The following GOLM2 variants were observed in gnomAD, a reference collection of about 807,000 sequenced individuals.
GOLM2 encodes protein GOLM2.
A neutral mutation model predicts 55.9 loss-of-function variants in GOLM2; 26 were observed. That is an observed-to-expected ratio of 0.47 (90% CI 0.34 to 0.65). The LOEUF (loss-of-function observed/expected upper bound fraction) is 0.65, where lower values mean the gene tolerates loss of function less well. GOLM2 is among the 30% of genes least tolerant of loss of function. The pLI is 0.01. For synonymous variants in GOLM2, 165 were observed against 194.6 expected, an observed-to-expected ratio of 0.85 and a Z score of 1.27; for missense variants, 486 against 531.8, an observed-to-expected ratio of 0.91 and a Z score of 0.85.
chr15:44,380,637 C>T (rs1386086312), intron 7 of GOLM2, among the ~76,000 whole-genome samples, 169 bp from the exon 8 acceptor site: 1 of 145,158 alleles, frequency 6.9e-6, no homozygotes, highest in Non-Finnish European at 1.5e-5. Flanking sequence ...GGTTATAATA[C>T]TTGATTAAAG....
intron 6 of GOLM2, among the ~76,000 whole-genome samples, chr15:44,377,424 G>A (rs1322683143): frequency 6.6e-6 from 1 of 152,170 alleles, no homozygotes; most frequent in Admixed American, 6.5e-5. Flanking sequence ...AGGCTGGAGT[G>A]CAGTGCCGCG....
intron 1 of GOLM2, among the ~76,000 whole-genome samples, chr15:44,305,219 C>G (rs1321488063): frequency 6.6e-6 from 1 of 151,944 alleles, no homozygotes; most frequent in Non-Finnish European, 1.5e-5. Context: ...AGGCTGGTCT[C>G]AAAATCCTAG....
chr15:44,403,376 G>A (rs1465357974), intron 9 of GOLM2, among the ~76,000 whole-genome samples: 4 of 152,102 alleles, frequency 2.6e-5, no homozygotes, highest in Admixed American at 2.6e-4. Flanking sequence ...TGGTCAGGCT[G>A]GTCTCAAACT....
chr15:44,307,088 C>T (rs10152314), intron 1 of GOLM2: 3,617 of 154,688 alleles, frequency 0.023, 151 homozygotes, highest in African/African-American at 0.083. Flanking sequence ...TACATTTGCT[C>T]GATGCAGGGT....
intron 6 of GOLM2, among the ~76,000 whole-genome samples, chr15:44,367,614 G>T (rs2141180930): frequency 6.6e-6 from 1 of 152,136 alleles, no homozygotes; most frequent in East Asian, 1.9e-4. Flanking sequence ...GGCCAACATG[G>T]TGAAACCCCA....
chr15:44,299,901 G>A (rs1448527242), intron 1 of GOLM2, among the ~76,000 whole-genome samples: 2 of 133,838 alleles, frequency 1.5e-5, no homozygotes, highest in Non-Finnish European at 3.1e-5. Flanking sequence ...AGGCCAGGAG[G>A]TTGAGGCTAG....
intron 3 of GOLM2, among the ~76,000 whole-genome samples, chr15:44,330,516 A>G (rs1301182895): frequency 7.1e-6 from 1 of 140,448 alleles, no homozygotes; most frequent in East Asian, 2.1e-4. Flanking sequence ...TCCATCTGGA[A>G]AAAAAAAAAA....
chr15:44,332,064 T>G lies in GOLM2; in HGVS notation c.562T>G (p.Leu188Val). 1 of 1,572,186 alleles carries G rather than the reference T, an allele frequency of 6.4e-7. No individual in the cohort carries two copies. The highest frequency in any genetic ancestry group is 8.7e-7 in the Non-Finnish European group (1 of 1,151,650). The change falls in exon 4 of 10, where the codon TTA (leucine) becomes GTA (valine). Residue 188 changes from leucine to valine, a missense_variant. Leu to Val is a conservative substitution (Grantham distance 32). Coordinates refer to ENST00000299957, the MANE Select transcript of GOLM2 (RefSeq NM_138423.4). ...ENIKKLADQFLEEQKQETQKI... is the reference protein window; with the variant it reads ...ENIKKLADQFVEEQKQETQKI... ...TATTAAAAAGTTAGCAGACCAGTTT[T>G]TAGAGGAACAAAAGGTAAATTTTAA... is the stretch of plus-strand genomic sequence containing the variant.
At chr15:44,305,498 C>T (rs961252483) in intron 1 of GOLM2, among the ~76,000 whole-genome samples, 36 of 151,800 alleles carry the variant, frequency 2.4e-4, no homozygotes, top group Admixed American at 1.3e-4. Context: ...AGGGTCTCCC[C>T]ATGTTGCCCA....
Position 44,297,721 on chromosome 15 carries a change from C to T in GOLM2, c.327+8365C>T, listed in dbSNP as rs545302588. Among the ~76,000 whole-genome samples the T allele has an allele frequency of 4.6e-5, 7 of 150,752 alleles. No individual in the cohort carries two copies. The South Asian group carries it at 1.3e-3, about 27-fold the overall frequency. On this transcript the variant is annotated intron_variant, in intron 1 of 9. Transcript: ENST00000299957. The stretch of plus-strand genomic sequence containing the variant: ...GGACTACAGGCACCCGCCACCAGGC[C>T]CAGCTAAATTTTTTGTATTTTGAGT...
In GOLM2 at chr15:44,289,124, A is replaced by T; in HGVS notation, c.95A>T (p.Tyr32Phe). Residue 32 changes from tyrosine (Y) to phenylalanine (F), a missense_variant, in exon 1 of 10, where the codon TAC becomes TTC. By Grantham distance (22) the Tyr-to-Phe change is conservative (BLOSUM62 3). Coordinates refer to ENST00000299957, the MANE Select transcript of GOLM2 (RefSeq NM_138423.4). The surrounding 1 kb of genome is among the most constrained non-coding windows in gnomAD (Gnocchi z 4.8). ...GTGATCGTCGTCCTCGCCTTCAACTACTGGAGCATCTCCTCCCGCCACGTC... is the reference window on the plus strand; with the variant it reads ...GTGATCGTCGTCCTCGCCTTCAACTTCTGGAGCATCTCCTCCCGCCACGTC... ...LVVIVVLAFN[Y>F]WSISSRHVLL... 1 of 1,613,990 alleles carries T rather than the reference A, an allele frequency of 6.2e-7. No homozygotes were observed. Among genetic ancestry groups the T allele is most frequent in the Non-Finnish European group, 8.5e-7 (1 of 1,179,966 alleles).
At chr15:44,297,348 A>C (rs2078763302) in intron 1 of GOLM2, among the ~76,000 whole-genome samples, 1 of 152,056 alleles carries the variant, frequency 6.6e-6, no homozygotes, top group South Asian at 2.1e-4. Context: ...CTGCTGTCTC[A>C]TCTTTAAGGT....
intron 6 of GOLM2, among the ~76,000 whole-genome samples, chr15:44,372,690 C>T (rs2079336248): frequency 6.6e-6 from 1 of 152,146 alleles, no homozygotes; most frequent in South Asian, 2.1e-4. Flanking sequence ...GTTATTGCCT[C>T]CTTAGGAGCT....
chr15:44,288,917 C>T lies in GOLM2; in HGVS notation c.-113C>T. 1.0e-6 allele frequency: 1 copy of T among 981,788 alleles called. No individual in the cohort carries two copies. The highest frequency in any genetic ancestry group is 2.8e-5 in the Admixed American group (1 of 35,760). 60.8% of individuals were successfully genotyped at this position (981,788 alleles called of 1,614,324 possible). On this transcript the variant is annotated 5_prime_UTR_variant, in exon 1 of 10. Transcript: ENST00000299957. ...TCGCAGCCGACCGGTAAGCCCGCCT[C>T]CTCCCTCGGCCGGCCCTGGGGCCGT...
intron 8 of GOLM2, among the ~76,000 whole-genome samples, chr15:44,400,097 A>C (rs1257580738): frequency 6.6e-6 from 1 of 152,034 alleles, no homozygotes; most frequent in African/African-American, 2.4e-5. Context: ...AAAATGCTTG[A>C]TTTATAATTA....
At chr15:44,333,428 AGG>A in intron 4 of GOLM2, among the ~76,000 whole-genome samples, 1 of 152,194 alleles carries the variant, frequency 6.6e-6, no homozygotes, top group Non-Finnish European at 1.5e-5. Flanking sequence ...TAGGATATAG[AGG>A]GTGTCATTTC....
rs564122928 is a variant in GOLM2 at position 44,383,610 on chromosome 15, T to C, written c.1072+2634T>C. Among the ~76,000 whole-genome samples, 3 of 152,066 alleles carry C rather than the reference T, an allele frequency of 2.0e-5. No homozygotes were observed. The South Asian group carries it at 6.2e-4, about 31-fold the overall frequency. The stretch of plus-strand genomic sequence containing the variant: ...TAATCTGTGCATCAGTTTTGACCAC[T>C]TAGCCTGAAAACTTTGTAGATTTGT... On this transcript the variant is annotated intron_variant, in intron 8 of 9. Coordinates refer to ENST00000299957, the MANE Select transcript of GOLM2 (RefSeq NM_138423.4).
At chr15:44,313,110 G>T (rs145441185) in intron 1 of GOLM2, among the ~76,000 whole-genome samples, 3 of 151,638 alleles carry the variant, frequency 2.0e-5, no homozygotes, top group African/African-American at 7.3e-5. Context: ...TTAGCCTGGT[G>T]TGGTGGTGGG....
At chr15:44,342,071 A>G (rs1371749798) in intron 6 of GOLM2, among the ~76,000 whole-genome samples, 2 of 152,078 alleles carry the variant, frequency 1.3e-5, no homozygotes, top group African/African-American at 4.8e-5. Context: ...TGATTTTTAC[A>G]ATGTGAACTT....
Sources: allele counts gnomAD v4.1 joint callset (sites outside exome capture counted in the v4.1 genomes callset), GRCh38; gene constraint gnomAD v4.1.1; non-coding constraint Gnocchi (gnomAD v3.1); transcripts MANE v1.5; gene names NCBI Gene and HGNC (gene_info 2026-07-23, HGNC 2026-07-21).